NEBL: variants seen among roughly 807,000 people sequenced by gnomAD.
The protein encoded by NEBL is LIM and SH3 protein 2.
A neutral mutation model predicts 140.2 loss-of-function variants in NEBL; 122 were observed. The ratio of observed to expected loss-of-function variants is 0.87; its 90% CI spans 0.75 to 1.01. The LOEUF (loss-of-function observed/expected upper bound fraction) is 1.01, where lower values mean the gene tolerates loss of function less well. Among genes scored for constraint, NEBL ranks in the 50% least tolerant of loss-of-function variants. The pLI is 0.00. For missense variants in NEBL, 1,365 were observed against 1,231.3 expected, an observed-to-expected ratio of 1.11 and a Z score of -1.62; for synonymous variants, 436 against 398.9, an observed-to-expected ratio of 1.09 and a Z score of -1.11.
At chr10:20,884,151 A>G (rs1227846498) in intron 4 of NEBL, among the ~76,000 whole-genome samples, 1 of 152,212 alleles carries the variant, frequency 6.6e-6, no homozygotes, top group Admixed American at 6.6e-5. Flanking sequence ...TTTATTCTAT[A>G]TTTTTGATCT....
At chr10:21,211,336 C>G (rs1268482907) in intron 3 of NEBL, among the ~76,000 whole-genome samples, 3 of 152,020 alleles carry the variant, frequency 2.0e-5, no homozygotes, top group African/African-American at 7.3e-5. Context: ...GAAAAATTAG[C>G]TGGGTGTGGT....
intron 2 of NEBL, among the ~76,000 whole-genome samples, chr10:21,050,159 G>A (rs1273651877): frequency 6.6e-6 from 1 of 152,092 alleles, no homozygotes; most frequent in South Asian, 2.1e-4. Flanking sequence ...ATCTATCTTT[G>A]GTTTCACCAG....
At chr10:20,902,374 C>T (rs1240011915) in intron 4 of NEBL, among the ~76,000 whole-genome samples, 1 of 151,242 alleles carries the variant, frequency 6.6e-6, no homozygotes, top group East Asian at 1.9e-4. Context: ...CCACTGCACT[C>T]CAGCCTGGGC....
chr10:21,190,680 AG>A (rs966920190), intron 3 of NEBL, among the ~76,000 whole-genome samples: 2 of 152,242 alleles, frequency 1.3e-5, no homozygotes, highest in African/African-American at 4.8e-5. Flanking sequence ...AAACATTTAA[AG>A]GATCATTAAG....
intron 3 of NEBL, among the ~76,000 whole-genome samples, chr10:20,963,477 G>A (rs1031866502): frequency 1.3e-5 from 2 of 152,174 alleles, no homozygotes; most frequent in African/African-American, 2.4e-5. Context: ...TTTGTTACTC[G>A]TCTGTATTTT....
chr10:21,249,971 C>G (rs951798821), intron 2 of NEBL, among the ~76,000 whole-genome samples: 1 of 151,766 alleles, frequency 6.6e-6, no homozygotes, highest in Non-Finnish European at 1.5e-5. Context: ...GGCTGAGGTA[C>G]AAGTATCACT....
chr10:21,217,844 T>C (rs1842016069), intron 3 of NEBL: 1 of 152,234 alleles, frequency 6.6e-6, no homozygotes, highest in Admixed American at 6.5e-5. Flanking sequence ...TTTGTGCATT[T>C]CCATCTGGCA....
At chr10:20,811,936 T>C (rs1277379211) in intron 24 of NEBL, among the ~76,000 whole-genome samples, 2 of 152,208 alleles carry the variant, frequency 1.3e-5, no homozygotes, top group East Asian at 1.9e-4. Flanking sequence ...TTTTCTGATA[T>C]CTCAGCCACC....
intron 2 of NEBL, among the ~76,000 whole-genome samples, chr10:21,135,157 A>G (rs1361036430): frequency 2.0e-5 from 3 of 152,230 alleles, no homozygotes; most frequent in Non-Finnish European, 2.9e-5. Flanking sequence ...GCTGAGAGGA[A>G]AACAGCCTGA....
rs1834998950 is a variant in NEBL, at chr10:20,780,926, T to A, written c.*4821A>T. The stretch of plus-strand genomic sequence containing the variant: ...TTAATGTTAATGATTAGGGTAGCCT[T>A]GAAGGGTTTGTGAGTGACTGTACTA... On this transcript the variant is annotated 3_prime_UTR_variant, in exon 28 of 28. Coordinates refer to ENST00000377122, the MANE Select transcript of NEBL (RefSeq NM_006393.3). The A allele has an allele frequency of 6.6e-6, 1 of 152,192 alleles. No homozygotes were observed. Among genetic ancestry groups the A allele is most frequent in the Non-Finnish European group, 1.5e-5 (1 of 68,028 alleles). 9.4% of individuals were successfully genotyped at this position (152,192 alleles called of 1,614,324 possible). A position where few individuals can be genotyped will look rare whatever the true frequency, so the allele number is the denominator to read the frequency against.
chr10:20,792,142 G>GAAAGAA (rs1554770699), intron 26 of NEBL, among the ~76,000 whole-genome samples: 2 of 147,198 alleles, frequency 1.4e-5, no homozygotes, highest in Non-Finnish European at 3.0e-5. Flanking sequence ...AAAAAAGAAA[G>GAAAGAA]AAAGAAAAAG....
chr10:21,289,133 C>T (rs563642796), intron 1 of NEBL, among the ~76,000 whole-genome samples: 2 of 151,972 alleles, frequency 1.3e-5, no homozygotes, highest in East Asian at 3.9e-4. Flanking sequence ...TGGCATGAGC[C>T]ACTGAGCCCG....
chr10:21,087,376 C>T (rs564016012), intron 2 of NEBL, among the ~76,000 whole-genome samples: 2 of 152,116 alleles, frequency 1.3e-5, no homozygotes, highest in African/African-American at 2.4e-5. Flanking sequence ...TTATTGATGA[C>T]CCAAGTTCAT....
In NEBL at chr10:20,869,810, T is replaced by C. The variant is rs1313473351; in HGVS notation, c.512A>G (p.His171Arg). Residue 171 changes from histidine to arginine, a missense_variant, in exon 6 of 28, where the codon CAC becomes CGC. By Grantham distance (29) the His-to-Arg change is conservative (BLOSUM62 0). This residue lies in a region of NEBL where 1,323 missense variants were observed against 1,154.8 expected (regional missense o/e 1.15). Coordinates refer to ENST00000377122, the MANE Select transcript of NEBL (RefSeq NM_006393.3). ...ISYRKDVQDT[H>R]TYSAELDRPD... ...TCGGTCAAGTTCTGCACTGTACGTG[T>C]GGGTGTCCTGCACGTCTTTCCTATA... The C allele has an allele frequency of 5.6e-6, 9 of 1,612,716 alleles. No individual in the cohort carries two copies. The highest frequency in any genetic ancestry group is 7.6e-6 in the Non-Finnish European group (9 of 1,178,902).
intron 3 of NEBL, among the ~76,000 whole-genome samples, chr10:21,183,609 T>C (rs1211614245): frequency 1.3e-5 from 2 of 152,246 alleles, no homozygotes; most frequent in Admixed American, 1.3e-4. Flanking sequence ...TTTTGTTTTA[T>C]ATTAACAAAT....
At chr10:21,282,546 A>G (rs1284609774) in intron 1 of NEBL, among the ~76,000 whole-genome samples, 5 of 152,202 alleles carry the variant, frequency 3.3e-5, no homozygotes, top group Non-Finnish European at 7.3e-5. Context: ...AAAAAGAAGC[A>G]TTGATGACAG....
At chr10:21,292,481 C>T (rs1843158530) in intron 1 of NEBL, among the ~76,000 whole-genome samples, 1 of 152,050 alleles carries the variant, frequency 6.6e-6, no homozygotes, top group South Asian at 2.1e-4. Context: ...AATGTTAGAC[C>T]CCTGAGAAAT....
chr10:21,288,503 C>T (rs1158353848), intron 1 of NEBL, among the ~76,000 whole-genome samples: 1 of 151,448 alleles, frequency 6.6e-6, no homozygotes, highest in East Asian at 2.0e-4. Flanking sequence ...TGGCTCATGC[C>T]TGTAATCCCA....
intron 4 of NEBL, among the ~76,000 whole-genome samples, chr10:20,939,322 T>C (rs922869821): frequency 6.6e-6 from 1 of 152,098 alleles, no homozygotes; most frequent in Admixed American, 6.5e-5. Context: ...GAATTTCATA[T>C]CCAGCCAAAC....
Sources: allele counts gnomAD v4.1 joint callset (sites outside exome capture counted in the v4.1 genomes callset), GRCh38; gene constraint gnomAD v4.1.1; regional missense constraint gnomAD v4.1.1; transcripts MANE v1.5; gene names NCBI Gene and HGNC (gene_info 2026-07-23, HGNC 2026-07-21).